Variants in TEX14 observed in about 807,000 individuals in gnomAD.
TEX14 encodes inactive serine/threonine-protein kinase TEX14.
In TEX14, 168 loss-of-function variants were observed where a neutral mutation model predicts 178.6. That is an observed-to-expected ratio of 0.94 (90% CI 0.83 to 1.07). The LOEUF is 1.07. TEX14 is among the 50% of genes least tolerant of loss of function. TEX14 has a pLI of 0.00. For missense variants in TEX14, 1,730 were observed against 1,753.6 expected (o/e 0.99, Z 0.24); for synonymous variants, 626 against 634.1 (o/e 0.99, Z 0.19).
intron 1 of TEX14, among the ~76,000 whole-genome samples, chr17:58,686,926 C>T (rs1299603416): frequency 2.2e-5 from 3 of 136,746 alleles, no homozygotes; most frequent in Admixed American, 8.4e-5. Context: ...CACCCTAGAG[C>T]GCAGGGGAGG....
intron 2 of TEX14, among the ~76,000 whole-genome samples, chr17:58,640,612 A>AGTGTGT (rs33931543): frequency 0.014 from 2,046 of 143,898 alleles, 32 homozygotes; most frequent in African/African-American, 0.032. Flanking sequence ...CTTACCTTCT[A>AGTGTGT]GTGTGTGTGT....
chr17:58,589,478 C>G (rs542822396), intron 15 of TEX14, among the ~76,000 whole-genome samples: 311 of 147,524 alleles, frequency 2.1e-3, no homozygotes, highest in Non-Finnish European at 3.3e-3. Context: ...AGGAGAATCT[C>G]TTGAACCCGG....
intron 1 of TEX14, among the ~76,000 whole-genome samples, chr17:58,678,289 T>C (rs2047429183): frequency 6.6e-6 from 1 of 152,136 alleles, no homozygotes; most frequent in African/African-American, 2.4e-5. Flanking sequence ...GATCTAGAAC[T>C]AGAAATACCA....
intron 4 of TEX14, among the ~76,000 whole-genome samples, chr17:58,622,073 A>G (rs1032317339): frequency 4.6e-5 from 7 of 152,200 alleles, no homozygotes; most frequent in African/African-American, 1.7e-4. Flanking sequence ...GGAGCCCCAG[A>G]AAGGAGACTG....
chr17:58,566,994 C>T (rs569143212), intron 26 of TEX14, among the ~76,000 whole-genome samples: 9 of 151,070 alleles, frequency 6.0e-5, no homozygotes, highest in Admixed American at 2.0e-4. Flanking sequence ...TGGTGAACCC[C>T]ATCTCTACTA....
intron 14 of TEX14, among the ~76,000 whole-genome samples, chr17:58,598,445 A>G (rs752581255): frequency 9.2e-5 from 14 of 152,230 alleles, no homozygotes; most frequent in Admixed American, 2.0e-4. Flanking sequence ...ACTTTATTCA[A>G]TAAGTTGAGC....
intron 2 of TEX14, among the ~76,000 whole-genome samples, chr17:58,630,831 A>T (rs961229569): frequency 6.6e-6 from 1 of 152,180 alleles, no homozygotes; most frequent in Admixed American, 6.6e-5. Flanking sequence ...AATGGTTCTC[A>T]ATCATGGGAA....
At chr17:58,639,615 G>A (rs183671205) in intron 2 of TEX14, among the ~76,000 whole-genome samples, 9 of 151,978 alleles carry the variant, frequency 5.9e-5, no homozygotes, top group East Asian at 3.9e-4. Flanking sequence ...CAGGAGAATC[G>A]CTTGAACCCG....
chr17:58,569,164 A>C lies in TEX14; in HGVS notation c.3886+28T>G. 6.3e-7 allele frequency: 1 copy of C among 1,585,528 alleles called. No homozygotes were observed. Among genetic ancestry groups the C allele is most frequent in the Non-Finnish European group, 8.7e-7 (1 of 1,154,712 alleles). On this transcript the variant is annotated intron_variant, in intron 26 of 31. Transcript: ENST00000349033. The surrounding 1 kb of genome is among the most constrained non-coding windows in gnomAD (Gnocchi z 4.1). ...AGTGACATAACTAACAGGGCCGAGA[A>C]GTATATTCTGTATTGAACATCTCTT...
At chr17:58,691,021 T>G (rs979837740) in intron 1 of TEX14, among the ~76,000 whole-genome samples, 2 of 152,038 alleles carry the variant, frequency 1.3e-5, no homozygotes, top group Non-Finnish European at 1.5e-5. Flanking sequence ...GCCCGGCTAA[T>G]TTTTTGTACT....
At chr17:58,659,282 G>T in intron 1 of TEX14, 8 of 936,704 alleles carry the variant, frequency 8.5e-6, no homozygotes, top group Non-Finnish European at 1.0e-5. Flanking sequence ...GACCAACAGC[G>T]TCTCTCCCCC....
At chr17:58,689,359 T>A (rs2047653755) in intron 1 of TEX14, among the ~76,000 whole-genome samples, 1 of 152,074 alleles carries the variant, frequency 6.6e-6, no homozygotes, top group East Asian at 1.9e-4. Context: ...TAGCTGGGAC[T>A]ATAGGCACAC....
At chr17:58,658,939 G>C (rs1429080796) in intron 1 of TEX14, among the ~76,000 whole-genome samples, 3 of 151,614 alleles carry the variant, frequency 2.0e-5, no homozygotes, top group African/African-American at 7.3e-5. Flanking sequence ...GCTAGCACAG[G>C]TGCGTACCAC....
chr17:58,611,359 TGCCAC>T lies in TEX14; in HGVS notation c.1006-25_1006-21del. 3 of 1,585,916 alleles carry T rather than the reference TGCCAC, an allele frequency of 1.9e-6. No individual in the cohort carries two copies. The highest frequency in any genetic ancestry group is 3.6e-5 in the Admixed American group (2 of 55,438). ...GGACCGCTGCAAGCAAGAGATGAAA[TGCCAC>T]GAAAAAAAAAAGGACTGGGGCCCTG... On this transcript the variant is annotated intron_variant, in intron 9 of 31. Coordinates refer to ENST00000349033, the MANE Select transcript of TEX14 (RefSeq NM_031272.5).
rs2047359159 is a variant in TEX14 at position 58,674,529 on chromosome 17, G to A, written c.-2+17410C>T. On this transcript the variant is annotated intron_variant, in intron 1 of 31. Coordinates refer to ENST00000349033, the MANE Select transcript of TEX14 (RefSeq NM_031272.5). The stretch of plus-strand genomic sequence containing the variant: ...TACTAAAAATACAAAAATTAGCTGA[G>A]CATGGTGGCTCAGGCCTGTAATCCC... Among the ~76,000 whole-genome samples the A allele has an allele frequency of 2.0e-5, 3 of 151,706 alleles. No homozygotes were observed. In the South Asian group the frequency reaches 6.2e-4, roughly 32 times the overall value.
At chr17:58,577,562 G>C (rs1032968479) in intron 20 of TEX14, 106 bp from the exon 21 acceptor site, 9 of 381,392 alleles carry the variant, frequency 2.4e-5, no homozygotes, top group Admixed American at 2.1e-4. Flanking sequence ...GTCTGGTCCA[G>C]AATTAGAAAT....
chr17:58,658,651 A>G (rs1254268411), intron 1 of TEX14, among the ~76,000 whole-genome samples: 1 of 152,038 alleles, frequency 6.6e-6, no homozygotes, highest in Non-Finnish European at 1.5e-5. Context: ...TCGGCCTCCC[A>G]AAGTGCTGGG....
chr17:58,690,691 C>T (rs755700170), intron 1 of TEX14, among the ~76,000 whole-genome samples: 14 of 152,180 alleles, frequency 9.2e-5, no homozygotes, highest in Non-Finnish European at 1.8e-4. Context: ...AGAAGTTAAG[C>T]AATGGGTTGA....
chr17:58,585,610 GTTTTTTTTTTTT>G (rs879707841), intron 18 of TEX14, among the ~76,000 whole-genome samples, 179 bp downstream of exon 18: 7 of 83,056 alleles, frequency 8.4e-5, no homozygotes, highest in Non-Finnish European at 1.2e-4. Context: ...CCCAGCTAAT[GTTTTTTTTTTTT>G]TTTTTTTTTT....
Sources: allele counts gnomAD v4.1 joint callset (sites outside exome capture counted in the v4.1 genomes callset), GRCh38; gene constraint gnomAD v4.1.1; non-coding constraint Gnocchi (gnomAD v3.1); transcripts MANE v1.5; gene names NCBI Gene and HGNC (gene_info 2026-07-23, HGNC 2026-07-21).